Variants in KCTD16 observed in about 807,000 individuals in gnomAD.
KCTD16 encodes the protein BTB/POZ domain-containing protein KCTD16.
A neutral mutation model predicts 33.2 loss-of-function variants in KCTD16; 13 were observed. The ratio of observed to expected loss-of-function variants is 0.39; its 90% CI spans 0.25 to 0.62. The LOEUF (loss-of-function observed/expected upper bound fraction) is 0.62, where lower values mean the gene tolerates loss of function less well. Among genes scored for constraint, KCTD16 ranks in the 20% least tolerant of loss-of-function variants. The pLI, the probability that KCTD16 is intolerant of heterozygous loss-of-function variation, is 0.50. For synonymous variants in KCTD16, 197 were observed against 195.3 expected (o/e 1.01, Z -0.07); for missense variants, 441 against 525.1 (o/e 0.84, Z 1.57).
intron 3 of KCTD16, among the ~76,000 whole-genome samples, chr5:144,229,237 G>A (rs1754027072): frequency 6.6e-6 from 1 of 152,202 alleles, no homozygotes; most frequent in South Asian, 2.1e-4. Context: ...ATTGGCCATT[G>A]CATTTAAGTG....
At chr5:144,191,406 T>G (rs1752838736) in intron 2 of KCTD16, among the ~76,000 whole-genome samples, 2 of 152,214 alleles carry the variant, frequency 1.3e-5, no homozygotes, top group Admixed American at 1.3e-4. Context: ...AACTGGATAA[T>G]TGACTGTTCT....
intron 3 of KCTD16, among the ~76,000 whole-genome samples, chr5:144,302,171 TG>T (rs1751459733): frequency 1.3e-5 from 2 of 152,226 alleles, no homozygotes; most frequent in South Asian, 4.1e-4. Context: ...CATTCATAGG[TG>T]ATCATTATAA....
chr5:144,283,560 G>T (rs1755663611), intron 3 of KCTD16, among the ~76,000 whole-genome samples: 1 of 152,096 alleles, frequency 6.6e-6, no homozygotes, highest in Non-Finnish European at 1.5e-5. Flanking sequence ...CCTATATTAT[G>T]TACTACTTTA....
intron 3 of KCTD16, among the ~76,000 whole-genome samples, chr5:144,364,451 CA>C (rs1751786732): frequency 6.6e-6 from 1 of 152,134 alleles, no homozygotes; most frequent in Admixed American, 6.6e-5. Context: ...CTGAACAGAA[CA>C]ACAAGCGAGC....
chr5:144,451,402 G>T (rs1243824895), intron 3 of KCTD16, among the ~76,000 whole-genome samples: 1 of 152,114 alleles, frequency 6.6e-6, no homozygotes, highest in South Asian at 2.1e-4. Flanking sequence ...TATGGACCAG[G>T]TCACCTCACA....
chr5:144,315,275 T>C (rs890974313), intron 3 of KCTD16, among the ~76,000 whole-genome samples: 5 of 152,188 alleles, frequency 3.3e-5, no homozygotes, highest in Admixed American at 1.3e-4. Context: ...CGATTATCCC[T>C]GAACAATCCA....
chr5:144,293,394 G>A (rs1755948737), intron 3 of KCTD16, among the ~76,000 whole-genome samples: 1 of 152,094 alleles, frequency 6.6e-6, no homozygotes, highest in South Asian at 2.1e-4. Flanking sequence ...ATCATTTAAT[G>A]GTCCATGTTC....
chr5:144,340,634 A>T (rs1752608871), intron 3 of KCTD16, among the ~76,000 whole-genome samples: 1 of 152,078 alleles, frequency 6.6e-6, no homozygotes, highest in Admixed American at 6.6e-5. Context: ...TTAGGTTTAG[A>T]CAATGTTATA....
intron 3 of KCTD16, among the ~76,000 whole-genome samples, chr5:144,381,187 GA>G (rs1421319704): frequency 5.3e-5 from 8 of 151,560 alleles, no homozygotes; most frequent in African/African-American, 1.7e-4. Context: ...ACAAGCATAT[GA>G]AAAAAAAGTT....
At chr5:144,204,348 C>T (rs895352250) in intron 2 of KCTD16, among the ~76,000 whole-genome samples, 1 of 152,256 alleles carries the variant, frequency 6.6e-6, no homozygotes, top group South Asian at 2.1e-4. Context: ...CCCTAAGACA[C>T]TGGTGTTTTA....
chr5:144,389,941 G>A (rs1192501333), intron 3 of KCTD16, among the ~76,000 whole-genome samples: 3 of 152,168 alleles, frequency 2.0e-5, no homozygotes, highest in Non-Finnish European at 4.4e-5. Flanking sequence ...TCACAGGAGC[G>A]ATGACCTAAT....
At chr5:144,397,044 G>A (rs1228157677) in intron 3 of KCTD16, among the ~76,000 whole-genome samples, 1 of 150,584 alleles carries the variant, frequency 6.6e-6, no homozygotes, top group East Asian at 2.0e-4. Flanking sequence ...ATTTACATTA[G>A]GTATATCTCC....
chr5:144,198,433 C>T (rs994870324), intron 2 of KCTD16, among the ~76,000 whole-genome samples: 9 of 152,118 alleles, frequency 5.9e-5, no homozygotes, highest in African/African-American at 1.2e-4. Flanking sequence ...TTTGAGTCCT[C>T]GAGTCCTCTA....
intron 3 of KCTD16, among the ~76,000 whole-genome samples, chr5:144,406,587 G>A (rs886751219): frequency 1.3e-5 from 2 of 152,106 alleles, no homozygotes; most frequent in African/African-American, 2.4e-5. Flanking sequence ...GAGATGCACC[G>A]GTTATGGTTT....
At chr5:144,457,437 C>A (rs989570212) in intron 3 of KCTD16, among the ~76,000 whole-genome samples, 6 of 152,158 alleles carry the variant, frequency 3.9e-5, no homozygotes, top group African/African-American at 1.4e-4. Context: ...ACTGAGCTGA[C>A]TCTTCATTGA....
At chr5:144,307,700 T>C (rs1252228930) in intron 3 of KCTD16, among the ~76,000 whole-genome samples, 1 of 152,254 alleles carries the variant, frequency 6.6e-6, no homozygotes, top group Non-Finnish European at 1.5e-5. Flanking sequence ...TCAGTATATG[T>C]ATGCTGAATT....
chr5:144,296,896 A>G (rs1323505556), intron 3 of KCTD16, among the ~76,000 whole-genome samples: 1 of 152,244 alleles, frequency 6.6e-6, no homozygotes, highest in African/African-American at 2.4e-5. Flanking sequence ...AAGAAAATCT[A>G]CATATGTGAA....
intron 3 of KCTD16, among the ~76,000 whole-genome samples, chr5:144,405,345 G>T (rs1482367037): frequency 6.6e-6 from 1 of 152,188 alleles, no homozygotes; most frequent in Admixed American, 6.5e-5. Context: ...AGATTGGATT[G>T]AATTCAGGCC....
At chr5:144,230,158 C>G (rs1754058482) in intron 3 of KCTD16, among the ~76,000 whole-genome samples, 1 of 152,172 alleles carries the variant, frequency 6.6e-6, no homozygotes, top group Admixed American at 6.6e-5. Flanking sequence ...CAAAACAAAA[C>G]AAAATCAGCA....
Sources: gnomAD v4.1 joint callset for allele counts (sites outside exome capture counted in the v4.1 genomes callset) on GRCh38, gnomAD v4.1.1 for gene constraint, MANE v1.5 for transcripts, NCBI Gene and HGNC (gene_info 2026-07-23, HGNC 2026-07-21) for gene names.